The following SLC48A1 variants were observed in gnomAD, a reference collection of about 807,000 sequenced individuals.
SLC48A1 encodes the protein solute carrier family 48 member 1.
SLC48A1 carries 6 observed loss-of-function variants against 14.8 expected under a neutral mutation model. The observed-to-expected ratio is 0.41, with a 90% CI of 0.22 to 0.80. The LOEUF is 0.80. Among genes scored for constraint, SLC48A1 ranks in the 30% least tolerant of loss-of-function variants. The pLI is 0.34. For missense variants in SLC48A1, 165 were observed against 204.8 expected (o/e 0.81, Z 1.19); for synonymous variants, 89 against 90.0 (o/e 0.99, Z 0.06).
rs116616106 is a variant in SLC48A1 at position 47,777,754 on chromosome 12, G to A, written c.137-1274G>A. The stretch of plus-strand genomic sequence containing the variant: ...TTATAACCCAGCCTGAGAAAACAGC[G>A]TAGATAAAATAGCATAGATTTCCCA... On this transcript the variant is annotated intron_variant, in intron 1 of 2. Transcript: ENST00000442218. This position sits in a 1 kb window ranked among gnomAD's most constrained non-coding sequence, Gnocchi z 4.5. Among the ~76,000 whole-genome samples, 68 of 152,300 alleles carry A rather than the reference G, an allele frequency of 4.5e-4. No homozygotes were observed. Among genetic ancestry groups the A allele is most frequent in the African/African-American group, 1.5e-3 (61 of 41,562 alleles).
chr12:47,773,774 C>T (rs1377961189), intron 1 of SLC48A1, among the ~76,000 whole-genome samples: 2 of 152,170 alleles, frequency 1.3e-5, no homozygotes, highest in South Asian at 2.1e-4. Flanking sequence ...GTGTCCCCTC[C>T]GCGCGCCCGC....
At chr12:47,757,765 C>G (rs925747628), upstream of SLC48A1, 2 of 1,199,118 alleles carry the variant, frequency 1.7e-6, no homozygotes, top group African/African-American at 1.5e-5. Context: ...CTGTACACCC[C>G]CAGAGCAAGC....
intron 2 of SLC48A1, among the ~76,000 whole-genome samples, chr12:47,766,293 G>A (rs1036260105): frequency 1.3e-5 from 2 of 152,026 alleles, no homozygotes; most frequent in African/African-American, 2.4e-5. Context: ...CCTTGGGGAA[G>A]AGCTAATGCC....
At chr12:47,757,858 G>A, upstream of SLC48A1, 2 of 1,551,118 alleles carry the variant, frequency 1.3e-6, no homozygotes, top group Non-Finnish European at 1.7e-6. Context: ...CAGGTGAAAG[G>A]TACTCACCCA....
chr12:47,754,011 C>T (rs894004278), upstream of SLC48A1: 3 of 152,256 alleles, frequency 2.0e-5, no homozygotes, highest in Non-Finnish European at 2.9e-5. Context: ...AGAGAGATCA[C>T]ACAACTATTT....
upstream of SLC48A1, among the ~76,000 whole-genome samples, chr12:47,767,124 C>T (rs371827278): frequency 2.3e-4 from 35 of 149,748 alleles, 1 homozygote; most frequent in South Asian, 7.4e-3. Flanking sequence ...AGGAATCTAC[C>T]TCTGTGTCAG....
chr12:47,767,938 G>A (rs1942550613), upstream of SLC48A1, among the ~76,000 whole-genome samples: 1 of 152,192 alleles, frequency 6.6e-6, no homozygotes, highest in South Asian at 2.1e-4. Context: ...GATTGAAGCA[G>A]GGGAGTACCA....
At chr12:47,758,259 C>A, upstream of SLC48A1, 1 of 1,433,594 alleles carries the variant, frequency 7.0e-7, no homozygotes. Flanking sequence ...GCCTGCCGGT[C>A]TGGCGCACTT....
At chr12:47,768,267 G>C (rs1942558585), upstream of SLC48A1, among the ~76,000 whole-genome samples, 1 of 152,196 alleles carries the variant, frequency 6.6e-6, no homozygotes, top group African/African-American at 2.4e-5. Flanking sequence ...GTGAACCACT[G>C]CACCCGGCCA....
At chr12:47,778,950 T>C (rs1011723787) in intron 1 of SLC48A1, 78 bp from the exon 2 acceptor site, 4 of 1,420,886 alleles carry the variant, frequency 2.8e-6, no homozygotes, top group East Asian at 2.5e-5. Context: ...GGTATTCTTA[T>C]GCAAATAGGC....
At chr12:47,760,705 C>T (rs1942354450) in intron 2 of SLC48A1, among the ~76,000 whole-genome samples, 1 of 151,360 alleles carries the variant, frequency 6.6e-6, no homozygotes. Flanking sequence ...CTTCTGTTAT[C>T]CTCACGTCAC....
upstream of SLC48A1, chr12:47,758,273 G>T: frequency 2.1e-6 from 3 of 1,431,274 alleles, no homozygotes; most frequent in Non-Finnish European, 2.7e-6. Context: ...CGCACTTAGG[G>T]GTCTCCAGCT....
At chr12:47,767,828 C>T (rs184268565), upstream of SLC48A1, among the ~76,000 whole-genome samples, 4 of 152,160 alleles carry the variant, frequency 2.6e-5, no homozygotes, top group Admixed American at 1.3e-4. Flanking sequence ...AACAGAAAGG[C>T]GAATGTGTCT....
intron 1 of SLC48A1, chr12:47,759,216 G>A: frequency 1.7e-6 from 1 of 584,030 alleles, no homozygotes; most frequent in South Asian, 7.4e-5. Flanking sequence ...CGGGGAGAGC[G>A]GGGAGGGGGT....
chr12:47,773,269 C>T lies in SLC48A1; in HGVS notation c.-36C>T, dbSNP rs1056046894. On this transcript the variant is annotated 5_prime_UTR_variant, in exon 1 of 3. Transcript: ENST00000442218. ...GGGCCCTGCACCTGTGACTCTCGGCCGCGCTCGCCCTCGGCCCGCCCGGCG... is the reference window on the plus strand; with the variant it reads ...GGGCCCTGCACCTGTGACTCTCGGCTGCGCTCGCCCTCGGCCCGCCCGGCG... 2.3e-6 allele frequency: 3 copies of T among 1,328,050 alleles called. No individual in the cohort carries two copies. The highest frequency in any genetic ancestry group is 3.1e-5 in the African/African-American group (2 of 64,566). 82.3% of individuals were successfully genotyped at this position (1,328,050 alleles called of 1,614,324 possible).
At chr12:47,765,808 T>C (rs1942504213) in intron 2 of SLC48A1, among the ~76,000 whole-genome samples, 1 of 152,228 alleles carries the variant, frequency 6.6e-6, no homozygotes, top group Non-Finnish European at 1.5e-5. Flanking sequence ...TACTCAAAAA[T>C]GCGTGCCTTG....
At position 47,773,427 on chromosome 12, in the gene SLC48A1, G is replaced by T; in HGVS notation, c.123G>T (p.Met41Ile). The T allele has an allele frequency of 7.0e-7, 1 of 1,427,536 alleles. No homozygotes were observed. Among genetic ancestry groups the T allele is most frequent in the African/African-American group, 1.5e-5 (1 of 66,958 alleles). 88.4% of individuals were successfully genotyped at this position (1,427,536 alleles called of 1,614,324 possible). ...VVYRQPGTAA[M>I]GGLAGVLALW... is the part of the protein sequence containing the mutation. ...ACCGACAGCCGGGGACCGCGGCCAT[G>T]GGAGGGCTCGCAGGTACCCCGGGAC... Residue 41 changes from methionine to isoleucine, a missense_variant, in exon 1 of 3, where the codon ATG becomes ATT. Coordinates refer to ENST00000442218, the MANE Select transcript of SLC48A1 (RefSeq NM_017842.3).
At position 47,779,041 on chromosome 12, in the gene SLC48A1, G is replaced by T; in HGVS notation, c.150G>T (p.Leu50=). The T allele has an allele frequency of 6.4e-7, 1 of 1,551,724 alleles. No individual in the cohort carries two copies. The highest frequency in any genetic ancestry group is 2.4e-5 in the East Asian group (1 of 40,924). The change falls in exon 2 of 3, where the codon CTG becomes CTT. Residue 50 remains leucine, a synonymous_variant. Transcript: ENST00000442218. ...TCTCTCCTGCAGGGGTGCTGGCACTGTGGGTCCTGGTGACGCACGTGATGT... is the reference window on the plus strand; with the variant it reads ...TCTCTCCTGCAGGGGTGCTGGCACTTTGGGTCCTGGTGACGCACGTGATGT... ...AMGGLAGVLA[L]WVLVTHVMYM... is the part of the protein sequence containing the mutation.
chr12:47,776,138 G>C (rs1942747514), intron 1 of SLC48A1, among the ~76,000 whole-genome samples: 1 of 152,182 alleles, frequency 6.6e-6, no homozygotes. Flanking sequence ...TGTCCTTCTT[G>C]TCTGCATTTA....
Sources: gnomAD v4.1 joint callset for allele counts (sites outside exome capture counted in the v4.1 genomes callset) on GRCh38, gnomAD v4.1.1 for gene constraint, Gnocchi (gnomAD v3.1) non-coding constraint, MANE v1.5 for transcripts, NCBI Gene and HGNC (gene_info 2026-07-23, HGNC 2026-07-21) for gene names.